Variants in CDH7 observed in about 807,000 individuals in gnomAD.
CDH7 encodes the protein cadherin 7, also known as cadherin-7.
Under a neutral mutation model 71.8 loss-of-function variants are expected in CDH7, and 25 were observed. The observed-to-expected ratio is 0.35, with a 90% CI of 0.25 to 0.49. The LOEUF is 0.49. Ranked by LOEUF, CDH7 falls within the 20% of genes least tolerant of loss-of-function variation. The pLI is 0.99. For synonymous variants in CDH7, 381 were observed against 363.8 expected, an observed-to-expected ratio of 1.05 and a Z score of -0.54; for missense variants, 862 against 974.6, an observed-to-expected ratio of 0.88 and a Z score of 1.54.
At chr18:65,830,881 T>G (rs572429343) in intron 6 of CDH7, among the ~76,000 whole-genome samples, 4 of 151,966 alleles carry the variant, frequency 2.6e-5, no homozygotes, top group Non-Finnish European at 5.9e-5. Flanking sequence ...AGCTTAGTGA[T>G]CGTTGCTTCA....
intron 7 of CDH7, among the ~76,000 whole-genome samples, 185 bp downstream of exon 7, chr18:65,844,250 T>C (rs1277505659): frequency 1.4e-5 from 2 of 143,686 alleles, no homozygotes; most frequent in Non-Finnish European, 3.0e-5. Flanking sequence ...CTCAAAAATA[T>C]CATCTGATTA....
At position 65,885,261 on chromosome 18, in the gene CDH7, A is replaced by T. The variant is rs1000991424; in HGVS notation, c.*4367A>T. ...ACATTGTAACGTATAATTCTGTGGG[A>T]AATTTTTCAAGCAAATCAAGACAGG... On this transcript the variant is annotated 3_prime_UTR_variant, in exon 12 of 12. Coordinates refer to ENST00000397968, the MANE Select transcript of CDH7 (RefSeq NM_004361.5). The T allele has an allele frequency of 6.6e-6, 1 of 151,938 alleles. No homozygotes were observed. Among genetic ancestry groups the T allele is most frequent in the African/African-American group, 2.4e-5 (1 of 41,380 alleles). The allele number at this position is 151,938 out of a possible 1,614,324, so 9.4% of individuals were successfully genotyped here. A position where few individuals can be genotyped will look rare whatever the true frequency, so the allele number is the denominator to read the frequency against.
chr18:65,875,519 T>C (rs1281488315), intron 11 of CDH7, among the ~76,000 whole-genome samples: 2 of 152,224 alleles, frequency 1.3e-5, no homozygotes, highest in Non-Finnish European at 2.9e-5. Context: ...TTTCTCCATA[T>C]TCCCTTCCTT....
At chr18:65,768,188 C>A (rs1916433383) in intron 2 of CDH7, among the ~76,000 whole-genome samples, 1 of 151,678 alleles carries the variant, frequency 6.6e-6, no homozygotes, top group South Asian at 2.1e-4. Context: ...ATGAAAACAG[C>A]AAACATTTTC....
intron 6 of CDH7, among the ~76,000 whole-genome samples, chr18:65,836,050 A>T (rs1185842795): frequency 6.6e-6 from 1 of 152,158 alleles, no homozygotes; most frequent in Admixed American, 6.5e-5. Flanking sequence ...TTGAAGATGG[A>T]GGAGGAGGCT....
rs774247887 is a variant in CDH7, at chr18:65,809,839, G to A, written c.346G>A (p.Ala116Thr). 6.2e-6 allele frequency: 10 copies of A among 1,613,868 alleles called. No individual in the cohort carries two copies. The highest frequency in any genetic ancestry group is 7.6e-6 in the Non-Finnish European group (9 of 1,179,998). Reference sequence around the variant, plus strand: ...CAAGAGACTGGATCGTGAGGAGCAGGCCTACTACACGCTCCGAGCTCAAGC... The same window carrying A: ...CAAGAGACTGGATCGTGAGGAGCAGACCTACTACACGCTCCGAGCTCAAGC... ...ATKRLDREEQ[A>T]YYTLRAQALD... Residue 116 changes from alanine to threonine, a missense_variant, in exon 3 of 12, where the codon GCC becomes ACC. Ala to Thr is a moderately conservative substitution (Grantham distance 58, BLOSUM62 0). Coordinates refer to ENST00000397968, the MANE Select transcript of CDH7 (RefSeq NM_004361.5).
chr18:65,868,874 C>T (rs535647411), intron 11 of CDH7, among the ~76,000 whole-genome samples: 1 of 152,214 alleles, frequency 6.6e-6, no homozygotes, highest in East Asian at 1.9e-4. Flanking sequence ...AGAAAAGATC[C>T]ATTTTAGTTA....
At chr18:65,872,013 T>C (rs898146274) in intron 11 of CDH7, among the ~76,000 whole-genome samples, 21 of 152,028 alleles carry the variant, frequency 1.4e-4, no homozygotes. Context: ...GTATGGAACT[T>C]GAGGAAGATT....
At chr18:65,831,988 A>C (rs1369132378) in intron 6 of CDH7, among the ~76,000 whole-genome samples, 2 of 152,110 alleles carry the variant, frequency 1.3e-5, no homozygotes, top group South Asian at 2.1e-4. Flanking sequence ...TCAGATGTTG[A>C]CAAGATTTTT....
chr18:65,771,993 C>G (rs1345540851), intron 2 of CDH7, among the ~76,000 whole-genome samples: 2 of 152,108 alleles, frequency 1.3e-5, no homozygotes, highest in African/African-American at 2.4e-5. Context: ...TGATTAACAT[C>G]ATTCTAGCAA....
At chr18:65,844,543 T>TA (rs1164808905) in intron 7 of CDH7, among the ~76,000 whole-genome samples, 2 of 152,138 alleles carry the variant, frequency 1.3e-5, no homozygotes. Flanking sequence ...TTAATTTTTT[T>TA]AAAAAAACTA....
chr18:65,785,096 C>T (rs569896576), intron 2 of CDH7, among the ~76,000 whole-genome samples: 5 of 152,096 alleles, frequency 3.3e-5, no homozygotes, highest in East Asian at 3.9e-4. Flanking sequence ...TAACTTATTG[C>T]GACAATCCAC....
chr18:65,874,768 G>A (rs1421177009), intron 11 of CDH7, among the ~76,000 whole-genome samples: 2 of 151,648 alleles, frequency 1.3e-5, no homozygotes, highest in Admixed American at 1.3e-4. Flanking sequence ...TGTATATATA[G>A]ATATGTGGCC....
chr18:65,796,184 T>C lies in CDH7; in HGVS notation c.211-13520T>C, dbSNP rs553662820. Among the ~76,000 whole-genome samples the C allele has an allele frequency of 2.6e-5, 4 of 152,224 alleles. 1 individual carries two copies. Among genetic ancestry groups the C allele is most frequent in the Admixed American group, 1.3e-4 (2 of 15,282 alleles). On this transcript the variant is annotated intron_variant, in intron 2 of 11. Coordinates refer to ENST00000397968, the MANE Select transcript of CDH7 (RefSeq NM_004361.5). ...AAATTTAGTTTCTTCTGTTGAATTA[T>C]CTTAATCAAATTGCAAGCTAGTATA... is the stretch of plus-strand genomic sequence containing the variant.
chr18:65,806,386 T>TTA (rs1216699227), intron 2 of CDH7, among the ~76,000 whole-genome samples: 3 of 151,788 alleles, frequency 2.0e-5, no homozygotes, highest in African/African-American at 4.9e-5. Context: ...TTTTGTCTGC[T>TTA]TATTAATAGA....
intron 6 of CDH7, among the ~76,000 whole-genome samples, chr18:65,838,357 G>A (rs1323897430): frequency 6.6e-6 from 1 of 152,162 alleles, no homozygotes; most frequent in Non-Finnish European, 1.5e-5. Context: ...TACAGATATT[G>A]AAAGCTACAA....
intron 6 of CDH7, among the ~76,000 whole-genome samples, chr18:65,831,949 A>G (rs1912365994): frequency 6.6e-6 from 1 of 152,162 alleles, no homozygotes; most frequent in Non-Finnish European, 1.5e-5. Context: ...CCTTCTCCGC[A>G]TAAGAAAACA....
Position 65,843,968 on chromosome 18 carries a change from C to T in CDH7, c.1138C>T (p.Pro380Ser), listed in dbSNP as rs1276663966. ...AGATGAGCCCCCTGTGTTCTCTTCA[C>T]CCTTGTACCCTATGGAGGTGTCGGA... ...DVDEPPVFSS[P>S]LYPMEVSEAT... Residue 380 changes from proline (P) to serine (S), a missense_variant, in exon 7 of 12, where the codon CCC becomes TCC. Transcript: ENST00000397968. 2 of 1,612,848 alleles carry T rather than the reference C, an allele frequency of 1.2e-6. No individual in the cohort carries two copies. Among genetic ancestry groups the T allele is most frequent in the Non-Finnish European group, 1.7e-6 (2 of 1,179,320 alleles).
intron 7 of CDH7, among the ~76,000 whole-genome samples, chr18:65,857,317 T>TATAATAATA (rs4047847): frequency 7.6e-6 from 1 of 131,926 alleles, no homozygotes; most frequent in Non-Finnish European, 1.6e-5. Flanking sequence ...ACCCTGCATC[T>TATAATAATA]ATAATAATAA....
Sources: allele counts gnomAD v4.1 joint callset (sites outside exome capture counted in the v4.1 genomes callset), GRCh38; gene constraint gnomAD v4.1.1; transcripts MANE v1.5; gene names NCBI Gene and HGNC (gene_info 2026-07-23, HGNC 2026-07-21).